Variants in ARHGAP29 observed in about 807,000 individuals in gnomAD.
ARHGAP29 encodes rho GTPase-activating protein 29.
A neutral mutation model predicts 122.6 loss-of-function variants in ARHGAP29; 43 were observed. The ratio of observed to expected loss-of-function variants is 0.35; its 90% confidence interval spans 0.27 to 0.45. ARHGAP29 has a LOEUF of 0.45. ARHGAP29 is among the 20% of genes least tolerant of loss of function. The pLI is 1.00. For missense variants in ARHGAP29, 1,303 were observed against 1,477.2 expected, an observed-to-expected ratio of 0.88 and a Z score of 1.93; for synonymous variants, 506 against 497.1, an observed-to-expected ratio of 1.02 and a Z score of -0.24.
intron 2 of ARHGAP29, 74 bp downstream of exon 2, chr1:94,231,332 CA>C (rs1652907161): frequency 7.7e-7 from 1 of 1,297,044 alleles, no homozygotes; most frequent in East Asian, 2.3e-5. Context: ...CCACTGTGTA[CA>C]AACTTATCTG....
At chr1:94,272,442 C>T (rs549222123) in intron 1 of ARHGAP29, among the ~76,000 whole-genome samples, 1 of 152,290 alleles carries the variant, frequency 6.6e-6, no homozygotes, top group Admixed American at 6.5e-5. Flanking sequence ...GCTCAGATCT[C>T]CCTTCTGGAT....
the ARHGAP29 span, chr1:94,303,132 T>C: frequency 6.5e-6 from 1 of 152,712 alleles, no homozygotes. Flanking sequence ...AGAATCAACC[T>C]TCCTCATTGT....
At chr1:94,241,730 A>T (rs928043328), upstream of ARHGAP29, among the ~76,000 whole-genome samples, 2 of 131,494 alleles carry the variant, frequency 1.5e-5, no homozygotes, top group African/African-American at 2.8e-5. Flanking sequence ...TATATAATAT[A>T]TATTTATATA....
At chr1:94,312,301 A>G in the ARHGAP29 span, among the ~76,000 whole-genome samples, 8 of 146,532 alleles carry the variant, frequency 5.5e-5, no homozygotes, top group Non-Finnish European at 8.9e-5. Context: ...TACTTGACCT[A>G]TTAGCATTGT....
intron 3 of ARHGAP29, among the ~76,000 whole-genome samples, chr1:94,219,964 C>G (rs1245637622): frequency 2.0e-5 from 3 of 152,154 alleles, no homozygotes; most frequent in Admixed American, 1.3e-4. Context: ...CACCAATCAC[C>G]TCGAAAGAGC....
intron 2 of ARHGAP29, among the ~76,000 whole-genome samples, chr1:94,229,821 T>A (rs903451131): frequency 7.3e-5 from 11 of 151,474 alleles, no homozygotes; most frequent in Admixed American, 2.6e-4. Flanking sequence ...CTTATAAAAA[T>A]TTTTTTTGGA....
chr1:94,288,132 A>G, the ARHGAP29 span, among the ~76,000 whole-genome samples: 1 of 152,058 alleles, frequency 6.6e-6, no homozygotes, highest in Non-Finnish European at 1.5e-5. Flanking sequence ...AAGCATTTCT[A>G]TTTCTCCACA....
At chr1:94,312,905 C>A in the ARHGAP29 span, among the ~76,000 whole-genome samples, 1 of 152,166 alleles carries the variant, frequency 6.6e-6, no homozygotes, top group Admixed American at 6.5e-5. Flanking sequence ...AGACCTCATC[C>A]TTTCTTCAGC....
chr1:94,206,941 G>A (rs1651235281), intron 5 of ARHGAP29, among the ~76,000 whole-genome samples: 1 of 149,452 alleles, frequency 6.7e-6, no homozygotes, highest in African/African-American at 2.4e-5. Flanking sequence ...ATATATAGTT[G>A]CAATATATAT....
rs768040389 is a variant in ARHGAP29, at chr1:94,173,706, C to G, written c.*163G>C. 6 of 746,550 alleles carry G rather than the reference C, an allele frequency of 8.0e-6. No homozygotes were observed. The highest frequency in any genetic ancestry group is 1.3e-5 in the Non-Finnish European group (6 of 475,004). The allele number at this position is 746,550 out of a possible 1,614,324, so 46.2% of individuals were successfully genotyped here. Reference sequence around the variant, plus strand: ...ATGTGACCCTATCAAAACATTCTACCATTCAGTATTACCAACAGAGGATAA... The same window carrying G: ...ATGTGACCCTATCAAAACATTCTACGATTCAGTATTACCAACAGAGGATAA... On this transcript the variant is annotated 3_prime_UTR_variant, in exon 23 of 23. Transcript: ENST00000260526.
chr1:94,307,187 C>T, the ARHGAP29 span, among the ~76,000 whole-genome samples: 7 of 152,116 alleles, frequency 4.6e-5, no homozygotes, highest in Non-Finnish European at 7.3e-5. Flanking sequence ...TCATTCTTTA[C>T]GCCTGCTCCT....
intron 2 of ARHGAP29, among the ~76,000 whole-genome samples, chr1:94,223,110 A>T (rs1260219417): frequency 6.6e-6 from 1 of 151,934 alleles, no homozygotes; most frequent in Non-Finnish European, 1.5e-5. Context: ...CACCCAGCTA[A>T]TTTTTTTGTA....
rs915784890 is a variant in ARHGAP29, at chr1:94,199,247, A to T, written c.1281+2473T>A. ...CTAGAACTTAAAGCATTAAAAAAAA[A>T]GACAGCAAGTACTTCAGTGCAACAA... On this transcript the variant is annotated intron_variant, in intron 12 of 22. Coordinates refer to ENST00000260526, the MANE Select transcript of ARHGAP29 (RefSeq NM_004815.4). Among the ~76,000 whole-genome samples, 3 of 152,224 alleles carry T rather than the reference A, an allele frequency of 2.0e-5. No individual in the cohort carries two copies. In the South Asian group the frequency reaches 6.2e-4, roughly 32 times the overall value.
At chr1:94,267,172 A>G (rs1441612392) in intron 1 of ARHGAP29, among the ~76,000 whole-genome samples, 1 of 152,220 alleles carries the variant, frequency 6.6e-6, no homozygotes, top group Non-Finnish European at 1.5e-5. Context: ...GGAGTCTCAA[A>G]GTACTATGGA....
chr1:94,293,455 G>C, the ARHGAP29 span, among the ~76,000 whole-genome samples: 1 of 152,226 alleles, frequency 6.6e-6, no homozygotes, highest in African/African-American at 2.4e-5. Flanking sequence ...GTGACACCCT[G>C]TCCTGCTTCA....
At chr1:94,237,640 C>A (rs865839692), upstream of ARHGAP29, 1 of 986,860 alleles carries the variant, frequency 1.0e-6, no homozygotes. Context: ...GCCCGCCAGC[C>A]CCGCCCCCTG....
intron 1 of ARHGAP29, among the ~76,000 whole-genome samples, chr1:94,247,567 C>A (rs1437004312): frequency 6.6e-6 from 1 of 151,402 alleles, no homozygotes; most frequent in African/African-American, 2.4e-5. Flanking sequence ...ACACTCACCA[C>A]GGCGCTCCAT....
At chr1:94,268,290 A>C (rs780925819) in intron 1 of ARHGAP29, among the ~76,000 whole-genome samples, 1 of 152,032 alleles carries the variant, frequency 6.6e-6, no homozygotes, top group East Asian at 1.9e-4. Flanking sequence ...TTCAAATCTT[A>C]CCTTCTTAAC....
Position 94,170,635 on chromosome 1 carries a change from A to C in ARHGAP29, c.*3234T>G, listed in dbSNP as rs1475565313. Among the ~76,000 whole-genome samples the C allele has an allele frequency of 6.6e-6, 1 of 152,242 alleles. No individual in the cohort carries two copies. Reference sequence around the variant, plus strand: ...AGGAATGCCCTTGTCTTAAGGAAACACACAGTAGATAGAGGTAATAATGCA... The same window carrying C: ...AGGAATGCCCTTGTCTTAAGGAAACCCACAGTAGATAGAGGTAATAATGCA... On this transcript the variant is annotated 3_prime_UTR_variant, in exon 23 of 23. Coordinates refer to ENST00000260526, the MANE Select transcript of ARHGAP29 (RefSeq NM_004815.4).
Sources: gnomAD v4.1 joint callset for allele counts (sites outside exome capture counted in the v4.1 genomes callset) on GRCh38, gnomAD v4.1.1 for gene constraint, MANE v1.5 for transcripts, NCBI Gene and HGNC (gene_info 2026-07-23, HGNC 2026-07-21) for gene names.